CFAP46: variants seen among roughly 807,000 people sequenced by gnomAD.
CFAP46 encodes the protein cilia- and flagella-associated protein 46.
Under a neutral mutation model 325.7 loss-of-function variants are expected in CFAP46, and 245 were observed. The observed-to-expected ratio is 0.75, with a 90% CI of 0.68 to 0.84. The LOEUF (loss-of-function observed/expected upper bound fraction) is 0.84, where lower values mean the gene tolerates loss of function less well. Among genes scored for constraint, CFAP46 ranks in the 40% least tolerant of loss-of-function variants. CFAP46 has a pLI of 0.00. For missense variants in CFAP46, 3,346 were observed against 3,543.0 expected, an observed-to-expected ratio of 0.94 and a Z score of 1.41; for synonymous variants, 1,523 against 1,495.9, an observed-to-expected ratio of 1.02 and a Z score of -0.42.
intron 25 of CFAP46, among the ~76,000 whole-genome samples, chr10:132,891,136 G>C (rs1591076044): frequency 6.6e-6 from 1 of 152,332 alleles, no homozygotes; most frequent in East Asian, 1.9e-4. Context: ...GCACAGCCTA[G>C]AGGCCAGACT....
chr10:132,822,200 CTGTG>C (rs61728261), intron 50 of CFAP46, among the ~76,000 whole-genome samples: 1 of 118,628 alleles, frequency 8.4e-6, no homozygotes, highest in Non-Finnish European at 1.7e-5. Flanking sequence ...GCACTGTGTG[CTGTG>C]TGTGTGCTGA....
At chr10:132,911,428 A>C (rs1160155372) in intron 19 of CFAP46, among the ~76,000 whole-genome samples, 1 of 152,156 alleles carries the variant, frequency 6.6e-6, no homozygotes, top group Non-Finnish European at 1.5e-5. Flanking sequence ...TTTAGCACAA[A>C]GTCTTCCGCA....
At chr10:132,893,359 C>A (rs1849279875) in intron 24 of CFAP46, among the ~76,000 whole-genome samples, 1 of 152,232 alleles carries the variant, frequency 6.6e-6, no homozygotes. Context: ...AATCTCTGAT[C>A]AGCTGCTCAC....
rs762974137 is a variant in CFAP46, at chr10:132,910,079, C to T, written c.2500-11G>A. 85 of 1,417,662 alleles carry T rather than the reference C, an allele frequency of 6.0e-5. 1 individual carries two copies. Among genetic ancestry groups the T allele is most frequent in the South Asian group, 5.3e-4 (35 of 65,548 alleles). The allele number at this position is 1,417,662 out of a possible 1,614,324, so 87.8% of individuals were successfully genotyped here. ...GGCAAACTCGCAGACCTAGGACAGA[C>T]GTGTTCTCGGTCACGAAACCTGAAT... On this transcript the variant is annotated splice_polypyrimidine_tract_variant and intron_variant, in intron 19 of 57. Transcript: ENST00000368586.
intron 39 of CFAP46, among the ~76,000 whole-genome samples, chr10:132,855,840 ATTGT>A (rs1251956065): frequency 4.6e-5 from 7 of 152,156 alleles, no homozygotes; most frequent in Admixed American, 1.3e-4. Flanking sequence ...CATTGTTATT[ATTGT>A]TTAAGCAGCC....
In CFAP46 at chr10:132,808,999, C is replaced by T; in HGVS notation, c.7665-95G>A. The T allele has an allele frequency of 7.7e-7, 1 of 1,301,136 alleles. No homozygotes were observed. The highest frequency in any genetic ancestry group is 1.0e-6 in the Non-Finnish European group (1 of 962,502). The allele number at this position is 1,301,136 out of a possible 1,614,324, so 80.6% of individuals were successfully genotyped here. The stretch of plus-strand genomic sequence containing the variant: ...GCACAGGGGCGGGAAGTGGCAGCTG[C>T]TCCAACTGAGGGCGCTCTGGGGAAC... On this transcript the variant is annotated intron_variant, in intron 57 of 57. Transcript: ENST00000368586. The surrounding 1 kb of genome is among the most constrained non-coding windows in gnomAD (Gnocchi z 6.8).
chr10:132,911,484 A>G (rs1162757350), intron 19 of CFAP46, among the ~76,000 whole-genome samples: 1 of 152,078 alleles, frequency 6.6e-6, no homozygotes, highest in Non-Finnish European at 1.5e-5. Context: ...GGAGACACTC[A>G]AGGCCTCCCT....
At chr10:132,913,017 T>C in intron 18 of CFAP46, 29 bp downstream of exon 18, 1 of 1,545,438 alleles carries the variant, frequency 6.5e-7, no homozygotes, top group South Asian at 1.2e-5. Flanking sequence ...AGCCCCTCCC[T>C]GCGTGAACGC....
intron 39 of CFAP46, among the ~76,000 whole-genome samples, chr10:132,854,846 A>G (rs541729068): frequency 1.3e-5 from 2 of 152,282 alleles, no homozygotes; most frequent in East Asian, 1.9e-4. Context: ...GGATTTATCT[A>G]TCTCTCTGTT....
intron 44 of CFAP46, among the ~76,000 whole-genome samples, chr10:132,844,738 C>T (rs777011260): frequency 2.0e-5 from 3 of 152,256 alleles, no homozygotes; most frequent in South Asian, 2.1e-4. Context: ...GGTCTGCAGC[C>T]GTGCGGGAGG....
intron 16 of CFAP46, among the ~76,000 whole-genome samples, chr10:132,917,299 C>T (rs973404210): frequency 2.0e-5 from 3 of 152,372 alleles, no homozygotes; most frequent in South Asian, 2.1e-4. Context: ...GAAACCTAAC[C>T]GAGAGTGGCT....
At chr10:132,928,482 C>T (rs1462420975) in intron 9 of CFAP46, among the ~76,000 whole-genome samples, 1 of 152,246 alleles carries the variant, frequency 6.6e-6, no homozygotes, top group Non-Finnish European at 1.5e-5. Context: ...GGCTGCCTGG[C>T]TGTCAAGGCC....
chr10:132,826,649 A>G, intron 50 of CFAP46, among the ~76,000 whole-genome samples: 1 of 127,414 alleles, frequency 7.8e-6, no homozygotes. Flanking sequence ...CACAGAGACC[A>G]GCCACGGAGC....
chr10:132,824,553 A>G (rs1468040712), intron 50 of CFAP46, among the ~76,000 whole-genome samples: 1 of 65,054 alleles, frequency 1.5e-5, no homozygotes. Flanking sequence ...GTGTGCGCTG[A>G]TGTGTGCTGT....
chr10:132,920,380 C>T (rs1237993780), intron 13 of CFAP46, among the ~76,000 whole-genome samples, 198 bp from the exon 14 acceptor site: 2 of 152,294 alleles, frequency 1.3e-5, no homozygotes, highest in African/African-American at 2.4e-5. Flanking sequence ...CTCCTGCCGG[C>T]GATGAGGCCG....
chr10:132,850,049 T>G lies in CFAP46; in HGVS notation c.5952+195A>C, dbSNP rs145472977. ...CCTTGCCTACTCCACAGACACTGTG[T>G]TTCCCTCCCAGGTCTGTTCCGGAAG... On this transcript the variant is annotated intron_variant, in intron 41 of 57. Transcript: ENST00000368586. Among the ~76,000 whole-genome samples the G allele has an allele frequency of 9.2e-3, 1,406 of 152,318 alleles. 12 individuals are homozygous for G. The highest frequency in any genetic ancestry group is 0.043 in the South Asian group (207 of 4,826).
At position 132,814,698 on chromosome 10, in the gene CFAP46, C is replaced by T. The variant is rs1847656431; in HGVS notation, c.7237G>A (p.Asp2413Asn). 2 of 1,607,578 alleles carry T rather than the reference C, an allele frequency of 1.2e-6. No individual in the cohort carries two copies. Among genetic ancestry groups the T allele is most frequent in the Non-Finnish European group, 8.5e-7 (1 of 1,176,888 alleles). Residue 2413 changes from aspartate (D) to asparagine (N), a missense_variant, in exon 52 of 58, where the codon GAC becomes AAC. Asp to Asn is a conservative substitution (Grantham distance 23). Transcript: ENST00000368586. ...CATCAAAGGATACACTTGAAGTTGT[C>T]TGAGTCGACTATGATGCAGTCAGGG... is the stretch of plus-strand genomic sequence containing the variant. ...IPPDCIIVDS[D>N]NFKFVVDPYE... is the part of the protein sequence containing the mutation.
chr10:132,878,757 G>A (rs769892640), intron 29 of CFAP46, among the ~76,000 whole-genome samples: 15 of 152,200 alleles, frequency 9.9e-5, no homozygotes, highest in African/African-American at 1.7e-4. Context: ...CTCTGCCCAC[G>A]GCTGGGCGGT....
rs181011115 is a variant in CFAP46 at position 132,919,240 on chromosome 10, C to T, written c.1858+75G>A. The T allele has an allele frequency of 4.7e-5, 68 of 1,454,370 alleles. No homozygotes were observed. The highest frequency in any genetic ancestry group is 2.3e-4 in the Middle Eastern group (1 of 4,428). The allele number at this position is 1,454,370 out of a possible 1,614,324, so 90.1% of individuals were successfully genotyped here. On this transcript the variant is annotated intron_variant, in intron 15 of 57. Transcript: ENST00000368586. The surrounding 1 kb of genome is among the most constrained non-coding windows in gnomAD (Gnocchi z 9.7). ...GAAGGCCCCATGGGTTGTCATTGCACGAACCACAACCCTTCCCACACCCAG... is the reference window on the plus strand; with the variant it reads ...GAAGGCCCCATGGGTTGTCATTGCATGAACCACAACCCTTCCCACACCCAG...
Sources: gnomAD v4.1 joint callset for allele counts (sites outside exome capture counted in the v4.1 genomes callset) on GRCh38, gnomAD v4.1.1 for gene constraint, Gnocchi (gnomAD v3.1) non-coding constraint, MANE v1.5 for transcripts, NCBI Gene and HGNC (gene_info 2026-07-23, HGNC 2026-07-21) for gene names.